The following LIPA variants were observed in gnomAD, a reference collection of about 807,000 sequenced individuals.
The protein encoded by LIPA is lysosomal acid lipase/cholesteryl ester hydrolase.
Under a neutral mutation model 40.6 loss-of-function variants are expected in LIPA, and 26 were observed. That is an observed-to-expected ratio of 0.64 (90% CI 0.47 to 0.89). The LOEUF (loss-of-function observed/expected upper bound fraction) is 0.89, where lower values mean the gene tolerates loss of function less well. Ranked by LOEUF, LIPA falls within the 40% of genes least tolerant of loss-of-function variation. The pLI is 0.00. For synonymous variants in LIPA, 188 were observed against 168.4 expected, an observed-to-expected ratio of 1.12 and a Z score of -0.90; for missense variants, 455 against 479.6, an observed-to-expected ratio of 0.95 and a Z score of 0.48.
intron 1 of LIPA, among the ~76,000 whole-genome samples, chr10:89,298,387 A>T (rs529834146): frequency 6.6e-6 from 1 of 152,188 alleles, no homozygotes; most frequent in Non-Finnish European, 1.5e-5. Context: ...CCCACCCTAA[A>T]CCATCAAGGA....
chr10:89,266,144 G>A (rs1014438429), intron 1 of LIPA, among the ~76,000 whole-genome samples: 1 of 152,188 alleles, frequency 6.6e-6, no homozygotes, highest in African/African-American at 2.4e-5. Flanking sequence ...CATCGTAGGT[G>A]GAGACTGAAA....
rs574584291 is a variant in LIPA at position 89,392,556 on chromosome 10, A to G, written c.61+20235T>C. 5.0e-5 allele frequency: 27 copies of G among 543,952 alleles called. No homozygotes were observed. In the East Asian group the frequency reaches 9.7e-4, roughly 20 times the overall value. The allele number at this position is 543,952 out of a possible 1,614,324, so 33.7% of individuals were successfully genotyped here. A position where few individuals can be genotyped will look rare whatever the true frequency, so the allele number is the denominator to read the frequency against. On this transcript the variant is annotated intron_variant, in intron 2 of 8. Coordinates refer to the LIPA transcript ENST00000371837. ...CTAGGTTTCCAACTTGCAAGGACAC[A>G]CCCACAGCTTACACCATTGGCTGCT...
At chr10:89,307,712 A>C (rs1308751185) in intron 1 of LIPA, 3 of 208,046 alleles carry the variant, frequency 1.4e-5, no homozygotes, top group Admixed American at 5.2e-5. Flanking sequence ...TATATAAAGC[A>C]GCCAAATCCT....
At chr10:89,344,419 T>C (rs1248659825), upstream of LIPA, among the ~76,000 whole-genome samples, 4 of 152,126 alleles carry the variant, frequency 2.6e-5, no homozygotes, top group Non-Finnish European at 4.4e-5. Flanking sequence ...AGAACTCACA[T>C]AAAACCAGGA....
chr10:89,331,858 CAAAA>C (rs10540155), intron 1 of LIPA, among the ~76,000 whole-genome samples: 65 of 80,602 alleles, frequency 8.1e-4, no homozygotes, highest in Middle Eastern at 0.012. Context: ...GATCCTGTCT[CAAAA>C]AAAAAAAAAA....
chr10:89,412,920 C>G (rs1841486574), exon 2 of LIPA: 1 of 256,904 alleles, frequency 3.9e-6, no homozygotes. Flanking sequence ...GACCAAAAAC[C>G]TACTGGAAGG....
intron 1 of LIPA, chr10:89,307,059 T>A: frequency 6.2e-7 from 1 of 1,614,040 alleles, no homozygotes; most frequent in Non-Finnish European, 8.5e-7. Context: ...CTTACTCCTG[T>A]AGCGAAACAA....
chr10:89,387,787 A>G (rs1208953607), intron 2 of LIPA, among the ~76,000 whole-genome samples: 1 of 152,252 alleles, frequency 6.6e-6, no homozygotes, highest in Non-Finnish European at 1.5e-5. Flanking sequence ...TGGATAGAGA[A>G]ATGAGTGGAT....
intron 1 of LIPA, among the ~76,000 whole-genome samples, chr10:89,275,043 C>T (rs188412264): frequency 6.6e-6 from 1 of 152,296 alleles, no homozygotes; most frequent in Admixed American, 6.5e-5. Flanking sequence ...TTGAAACTGT[C>T]GGGGCTTTAT....
At chr10:89,252,807 C>CA (rs34928929), upstream of LIPA, among the ~76,000 whole-genome samples, 372 of 132,174 alleles carry the variant, frequency 2.8e-3, 3 homozygotes, top group Admixed American at 6.3e-3. Flanking sequence ...CTCCATCCCC[C>CA]AAAAAAAAAA....
At chr10:89,332,715 G>A in intron 1 of LIPA, 1 of 1,291,174 alleles carries the variant, frequency 7.7e-7, no homozygotes. Flanking sequence ...GCTTAGAGAT[G>A]AAATATGCAT....
chr10:89,249,097 G>A (rs530597103), intron 1 of LIPA, among the ~76,000 whole-genome samples: 3 of 152,196 alleles, frequency 2.0e-5, no homozygotes, highest in Admixed American at 1.3e-4. Flanking sequence ...AACCACTTCT[G>A]TTCTTGCCCC....
rs774357082 is a variant in LIPA, at chr10:89,359,815, T to TCTCA, written c.61+52975_61+52976insTGAG. ...CTCTATCTATCTCTCTCTCTCTCTC[T>TCTCA]CACACACACACACACACACACACAC... On this transcript the variant is annotated intron_variant, in intron 2 of 8. Transcript: ENST00000371837. Among the ~76,000 whole-genome samples the TCTCA allele has an allele frequency of 9.5e-3, 1,387 of 146,166 alleles. 11 individuals are homozygous for TCTCA. Among genetic ancestry groups the TCTCA allele is most frequent in the African/African-American group, 0.022 (867 of 39,682 alleles).
At chr10:89,269,527 A>G (rs1243665955) in intron 1 of LIPA, among the ~76,000 whole-genome samples, 3 of 152,084 alleles carry the variant, frequency 2.0e-5, no homozygotes, top group Admixed American at 1.3e-4. Context: ...AACATATTCG[A>G]CAAATAAAAC....
chr10:89,263,889 G>A (rs1221638853), intron 1 of LIPA, among the ~76,000 whole-genome samples: 1 of 152,254 alleles, frequency 6.6e-6, no homozygotes, highest in Non-Finnish European at 1.5e-5. Flanking sequence ...CTGGTGGGGT[G>A]GGCAGCTGCA....
chr10:89,402,845 C>T, intron 2 of LIPA: 1 of 1,614,144 alleles, frequency 6.2e-7, no homozygotes, highest in Non-Finnish European at 8.5e-7. Flanking sequence ...GCCTGGATGG[C>T]TTTAAATTAG....
intron 1 of LIPA, among the ~76,000 whole-genome samples, chr10:89,293,034 C>T (rs1843385177): frequency 6.6e-6 from 1 of 152,076 alleles, no homozygotes; most frequent in Non-Finnish European, 1.5e-5. Context: ...CAAATCTCAT[C>T]TCAAATTATA....
intron 1 of LIPA, among the ~76,000 whole-genome samples, chr10:89,305,400 G>A (rs761281290): frequency 2.0e-4 from 30 of 152,102 alleles, no homozygotes; most frequent in African/African-American, 6.3e-4. Context: ...ACAGAAAATC[G>A]AAAGTGATAA....
At chr10:89,260,478 G>A (rs1237546979) in intron 1 of LIPA, among the ~76,000 whole-genome samples, 1 of 152,194 alleles carries the variant, frequency 6.6e-6, no homozygotes, top group East Asian at 1.9e-4. Context: ...GGTAGCTGTG[G>A]AGAAGATTGG....
Sources: allele counts gnomAD v4.1 joint callset (sites outside exome capture counted in the v4.1 genomes callset), GRCh38; gene constraint gnomAD v4.1.1; transcripts MANE v1.5; gene names NCBI Gene and HGNC (gene_info 2026-07-23, HGNC 2026-07-21).